The following PCDHA9 variants were observed in gnomAD, a reference collection of about 807,000 sequenced individuals.
PCDHA9 encodes the protein protocadherin alpha-9.
Under a neutral mutation model 62.0 loss-of-function variants are expected in PCDHA9, and 62 were observed. The ratio of observed to expected loss-of-function variants is 1.00; its 90% CI spans 0.81 to 1.23. The LOEUF (loss-of-function observed/expected upper bound fraction) is 1.23. Among genes scored for constraint, PCDHA9 ranks in the 50% most tolerant of loss-of-function variants. The pLI is 0.00. For synonymous variants in PCDHA9, 557 were observed against 567.6 expected, an observed-to-expected ratio of 0.98 and a Z score of 0.27; for missense variants, 1,205 against 1,249.8, an observed-to-expected ratio of 0.96 and a Z score of 0.54.
chr5:140,958,265 C>A (rs1010851166), intron 1 of PCDHA9, among the ~76,000 whole-genome samples: 1 of 151,680 alleles, frequency 6.6e-6, no homozygotes, highest in Admixed American at 6.6e-5. Flanking sequence ...TAATTTGGTA[C>A]AAGAAGTATA....
rs2056928091 is a variant in PCDHA9 at position 140,877,191 on chromosome 5, A to C, written c.2394+26302A>C. 3 of 1,613,798 alleles carry C rather than the reference A, an allele frequency of 1.9e-6. No individual in the cohort carries two copies. The South Asian group carries it at 3.3e-5, about 18-fold the overall frequency. Reference sequence around the variant, plus strand: ...TGCTGGCGACTCCGGCTGGCAGCGCAGGAGGCGCAGTTAGCGAGTTGGTAC... The same window carrying C: ...TGCTGGCGACTCCGGCTGGCAGCGCCGGAGGCGCAGTTAGCGAGTTGGTAC... On this transcript the variant is annotated intron_variant, in intron 1 of 3. Transcript: ENST00000532602.
At chr5:140,958,925 G>T (rs980567381) in intron 1 of PCDHA9, among the ~76,000 whole-genome samples, 1 of 144,748 alleles carries the variant, frequency 6.9e-6, no homozygotes, top group African/African-American at 2.6e-5. Flanking sequence ...GGGTGTGGTG[G>T]CTCATACTTG....
At chr5:140,993,081 A>G (rs966669704) in intron 3 of PCDHA9, among the ~76,000 whole-genome samples, 34 of 152,234 alleles carry the variant, frequency 2.2e-4, no homozygotes, top group Non-Finnish European at 2.8e-4. Flanking sequence ...GTCTGCAATC[A>G]GCAGGGCTAT....
intron 1 of PCDHA9, among the ~76,000 whole-genome samples, chr5:140,878,502 G>A (rs782817563): frequency 2.0e-5 from 3 of 152,028 alleles, no homozygotes; most frequent in Admixed American, 6.5e-5. Flanking sequence ...CCATCTGTAC[G>A]ATACAGTACA....
At chr5:140,902,403 T>G (rs1554190429) in intron 1 of PCDHA9, among the ~76,000 whole-genome samples, 1 of 152,102 alleles carries the variant, frequency 6.6e-6, no homozygotes, top group African/African-American at 2.4e-5. Flanking sequence ...TTGAATACTA[T>G]GTTGAATAAC....
chr5:140,875,987 T>C, intron 1 of PCDHA9: 1 of 1,614,032 alleles, frequency 6.2e-7, no homozygotes, highest in Non-Finnish European at 8.5e-7. Flanking sequence ...ACCTATGCGT[T>C]AAGTCTAAAT....
At chr5:140,882,096 T>A in intron 1 of PCDHA9, 1 of 1,224,746 alleles carries the variant, frequency 8.2e-7, no homozygotes, top group Non-Finnish European at 1.1e-6. Flanking sequence ...ACTGAGAACG[T>A]TTCCGCGAAG....
chr5:140,995,245 A>G (rs2097671494), intron 3 of PCDHA9, among the ~76,000 whole-genome samples: 1 of 152,194 alleles, frequency 6.6e-6, no homozygotes, highest in African/African-American at 2.4e-5. Flanking sequence ...ATTAAGTAAA[A>G]TAAGGGTACT....
chr5:140,953,127 G>A (rs909395659), intron 1 of PCDHA9, among the ~76,000 whole-genome samples: 2 of 152,060 alleles, frequency 1.3e-5, no homozygotes, highest in African/African-American at 4.8e-5. Flanking sequence ...GATCTAAACC[G>A]TATCACTGTT....
chr5:140,987,805 C>T (rs2097269328), intron 3 of PCDHA9, among the ~76,000 whole-genome samples: 3 of 152,140 alleles, frequency 2.0e-5, no homozygotes. Flanking sequence ...TTTAAAGTGC[C>T]TGTCTCTTTG....
At chr5:140,958,264 A>G (rs2153717297) in intron 1 of PCDHA9, among the ~76,000 whole-genome samples, 1 of 152,230 alleles carries the variant, frequency 6.6e-6, no homozygotes, top group Admixed American at 6.5e-5. Flanking sequence ...TTAATTTGGT[A>G]CAAGAAGTAT....
intron 2 of PCDHA9, among the ~76,000 whole-genome samples, chr5:140,980,889 T>C (rs1554242442): frequency 2.6e-5 from 4 of 152,202 alleles, no homozygotes; most frequent in Non-Finnish European, 4.4e-5. Flanking sequence ...GTCTTTCCAG[T>C]CTTGGACATC....
In PCDHA9 at chr5:140,850,172, C is replaced by A. The variant is rs2150470572; in HGVS notation, c.1677C>A (p.Asn559Lys). 55 of 1,594,266 alleles carry A rather than the reference C, an allele frequency of 3.4e-5. 7 individuals are homozygous for A. Among genetic ancestry groups the A allele is most frequent in the Non-Finnish European group, 4.5e-5 (52 of 1,167,736 alleles). ...TGCAGGTGTTCGTGCTGGACGAGAA[C>A]GACAATGCGCCGGCGCTGCTGACAC... is the stretch of plus-strand genomic sequence containing the variant. ...VTLQVFVLDE[N>K]DNAPALLTPR... Residue 559 changes from asparagine (N) to lysine (K), a missense_variant, in exon 1 of 4, where the codon AAC (asparagine) becomes AAA (lysine). Physicochemically the swap from Asn to Lys is moderately conservative, Grantham distance 94. Transcript: ENST00000532602.
intron 3 of PCDHA9, among the ~76,000 whole-genome samples, chr5:140,986,426 T>C (rs1405347449): frequency 1.3e-5 from 2 of 152,216 alleles, no homozygotes; most frequent in East Asian, 3.9e-4. Context: ...TTTAACTTCA[T>C]GAGTACTAAT....
intron 1 of PCDHA9, among the ~76,000 whole-genome samples, chr5:140,959,366 C>A (rs1257331462): frequency 1.3e-5 from 2 of 151,552 alleles, no homozygotes; most frequent in African/African-American, 4.8e-5. Flanking sequence ...TGAGTGAGAC[C>A]CTGTCTCAAA....
rs1191412792 is a variant in PCDHA9 at position 140,853,165 on chromosome 5, C to T, written c.2394+2276C>T. ...AAATGCTGGGATTACAGGCGTGAGCCACCGCGCCTGGCCTAAAATGTGTTC... is the reference window on the plus strand; with the variant it reads ...AAATGCTGGGATTACAGGCGTGAGCTACCGCGCCTGGCCTAAAATGTGTTC... On this transcript the variant is annotated intron_variant, in intron 1 of 3. Coordinates refer to ENST00000532602, the MANE Select transcript of PCDHA9 (RefSeq NM_031857.2). The T allele has an allele frequency of 4.2e-6, 4 of 947,174 alleles. No homozygotes were observed. In the African/African-American group the frequency reaches 7.1e-5, roughly 17 times the overall value. The allele number at this position is 947,174 out of a possible 1,614,324, so 58.7% of individuals were successfully genotyped here.
chr5:140,878,537 C>G (rs1554170454), intron 1 of PCDHA9, among the ~76,000 whole-genome samples: 2 of 152,152 alleles, frequency 1.3e-5, no homozygotes, highest in African/African-American at 4.8e-5. Flanking sequence ...GTGGCTCAAA[C>G]CAGTTTCAGA....
chr5:140,853,782 G>C (rs555382075), intron 1 of PCDHA9: 1 of 987,688 alleles, frequency 1.0e-6, no homozygotes, highest in Non-Finnish European at 1.2e-6. Context: ...TGGGTAGTAA[G>C]AGCAAATTTT....
At chr5:140,868,930 G>A (rs966807738) in intron 1 of PCDHA9, 6 of 1,085,506 alleles carry the variant, frequency 5.5e-6, no homozygotes, top group East Asian at 5.1e-5. Context: ...TTCATTTAAA[G>A]GTTGGTCTGA....
Sources: allele counts gnomAD v4.1 joint callset (sites outside exome capture counted in the v4.1 genomes callset), GRCh38; gene constraint gnomAD v4.1.1; transcripts MANE v1.5; gene names NCBI Gene and HGNC (gene_info 2026-07-23, HGNC 2026-07-21).